The following VAV2 variants were observed in gnomAD, a reference collection of about 807,000 sequenced individuals.
VAV2 encodes guanine nucleotide exchange factor VAV2.
VAV2 carries 67 observed loss-of-function variants against 132.5 expected under a neutral mutation model. The ratio of observed to expected loss-of-function variants is 0.51; its 90% CI spans 0.42 to 0.62. The LOEUF is 0.62. Ranked by LOEUF, VAV2 falls within the 20% of genes least tolerant of loss-of-function variation. The pLI is 0.00. For missense variants in VAV2, 938 were observed against 1,153.6 expected (o/e 0.81, Z 2.71); for synonymous variants, 492 against 443.5 (o/e 1.11, Z -1.37).
chr9:133,795,772 C>T (rs538076258), intron 11 of VAV2, 36 bp from the exon 12 acceptor site: 13 of 1,607,192 alleles, frequency 8.1e-6, no homozygotes, highest in Admixed American at 5.0e-5. Context: ...TGTTACCACT[C>T]GGGGGTTCTG....
In VAV2 at chr9:133,823,012, C is replaced by A. The variant is rs1353728531; in HGVS notation, c.450-10796G>T. ...CAGAGTTGTGAGGGCTGAGATGAAG[C>A]GGCAAAGCCCAGGGCCTGGCTCTCA... On this transcript the variant is annotated intron_variant, in intron 4 of 29. Coordinates refer to ENST00000371850, the MANE Select transcript of VAV2 (RefSeq NM_001134398.2). The surrounding 1 kb of genome is among the most constrained non-coding windows in gnomAD (Gnocchi z 5.5). 6.6e-6 allele frequency among the ~76,000 whole-genome samples: 1 copy of A among 152,132 alleles called. No individual in the cohort carries two copies. Among genetic ancestry groups the A allele is most frequent in the East Asian group, 1.9e-4 (1 of 5,184 alleles).
At chr9:133,983,271 C>T (rs1279932482) in intron 1 of VAV2, among the ~76,000 whole-genome samples, 1 of 152,210 alleles carries the variant, frequency 6.6e-6, no homozygotes, top group African/African-American at 2.4e-5. Flanking sequence ...TGTGTCCCTA[C>T]AAGTCTCCTC....
chr9:133,939,004 G>T, intron 2 of VAV2, 99 bp downstream of exon 2: 1 of 1,102,230 alleles, frequency 9.1e-7, no homozygotes, highest in Non-Finnish European at 1.4e-6. Flanking sequence ...CTGTGTTGGA[G>T]CCAATCAGGC....
Position 133,821,104 on chromosome 9 carries a change from T to A in VAV2, c.450-8888A>T, listed in dbSNP as rs191203778. On this transcript the variant is annotated intron_variant, in intron 4 of 29. Transcript: ENST00000371850. ...CTGGAATCTCCGTGGCACAATTACA[T>A]CACTCTCCTGTGGCTCTGTGGCAGG... 1.8e-4 allele frequency among the ~76,000 whole-genome samples: 27 copies of A among 152,322 alleles called. No individual in the cohort carries two copies. In the East Asian group the frequency reaches 4.4e-3, roughly 25 times the overall value.
In VAV2 at chr9:133,878,954, G is replaced by A. The variant is rs1838378715; in HGVS notation, c.322-17522C>T. Reference sequence around the variant, plus strand: ...CAGGGTCGGGTCGCCCCATTCGAGAGATCAACAAATCCAGCCTTTGACTCC... The same window carrying A: ...CAGGGTCGGGTCGCCCCATTCGAGAAATCAACAAATCCAGCCTTTGACTCC... On this transcript the variant is annotated intron_variant, in intron 2 of 29. Transcript: ENST00000371850. Among the ~76,000 whole-genome samples, 4 of 152,178 alleles carry A rather than the reference G, an allele frequency of 2.6e-5. No homozygotes were observed. In the South Asian group the frequency reaches 8.3e-4, roughly 31 times the overall value.
chr9:133,903,359 C>T (rs745971377), intron 2 of VAV2, among the ~76,000 whole-genome samples: 3 of 152,172 alleles, frequency 2.0e-5, no homozygotes, highest in African/African-American at 2.4e-5. Context: ...GTGGTGCTCC[C>T]GGCTCAGGGT....
chr9:133,846,678 C>T (rs1357259223), intron 3 of VAV2, among the ~76,000 whole-genome samples: 2 of 152,344 alleles, frequency 1.3e-5, no homozygotes, highest in East Asian at 3.9e-4. Flanking sequence ...AGGGCATGGC[C>T]TCCTCAGTGA....
intron 1 of VAV2, among the ~76,000 whole-genome samples, chr9:133,970,560 T>C (rs1228516415): frequency 1.3e-5 from 2 of 152,170 alleles, no homozygotes; most frequent in African/African-American, 2.4e-5. Flanking sequence ...CCTGGTCCCT[T>C]TGACAGACAC....
At chr9:133,967,872 G>A (rs140771249) in intron 1 of VAV2, among the ~76,000 whole-genome samples, 153 of 139,432 alleles carry the variant, frequency 1.1e-3, no homozygotes, top group Middle Eastern at 5.1e-3. Flanking sequence ...GGTGGAGGTC[G>A]CAGTGAGCCA....
intron 2 of VAV2, among the ~76,000 whole-genome samples, chr9:133,895,243 CAGG>C (rs1195352189): frequency 6.6e-6 from 1 of 151,464 alleles, no homozygotes; most frequent in Non-Finnish European, 1.5e-5. Context: ...AAGGTGACCG[CAGG>C]AGAATTAAAG....
At chr9:133,882,224 G>T (rs573604802) in intron 2 of VAV2, among the ~76,000 whole-genome samples, 15 of 152,362 alleles carry the variant, frequency 9.8e-5, no homozygotes, top group Non-Finnish European at 1.9e-4. Context: ...CAAAGAACAT[G>T]CTGGGTCCAG....
At chr9:133,975,297 C>T (rs1348566824) in intron 1 of VAV2, among the ~76,000 whole-genome samples, 1 of 152,188 alleles carries the variant, frequency 6.6e-6, no homozygotes, top group Non-Finnish European at 1.5e-5. Context: ...TGGGCCAAGC[C>T]TGTCACCCAC....
chr9:133,955,401 CT>C (rs1841722021), intron 1 of VAV2, among the ~76,000 whole-genome samples: 1 of 141,520 alleles, frequency 7.1e-6, no homozygotes, highest in Admixed American at 7.0e-5. Flanking sequence ...CTCCTCCCCA[CT>C]CCCCACACTC....
At chr9:133,914,788 A>AGGAGGGGACGGGAGGGGAGG in intron 2 of VAV2, among the ~76,000 whole-genome samples, 1 of 9,976 alleles carries the variant, frequency 1.0e-4, no homozygotes, top group South Asian at 4.4e-3. Context: ...GGGAGGGGAG[A>AGGAGGGGACGGGAGGGGAGG]GGAGGAGGAG....
At chr9:133,890,406 C>T (rs1201373634) in intron 2 of VAV2, among the ~76,000 whole-genome samples, 1 of 152,196 alleles carries the variant, frequency 6.6e-6, no homozygotes, top group African/African-American at 2.4e-5. Context: ...CAGCCCCGGA[C>T]TACATTTCTT....
rs1486526060 is a variant in VAV2 at position 133,935,229 on chromosome 9, C to A, written c.321+3874G>T. 6.6e-6 allele frequency among the ~76,000 whole-genome samples: 1 copy of A among 152,186 alleles called. No individual in the cohort carries two copies. Among genetic ancestry groups the A allele is most frequent in the Non-Finnish European group, 1.5e-5 (1 of 68,036 alleles). On this transcript the variant is annotated intron_variant, in intron 2 of 29. Transcript: ENST00000371850. This position sits in a 1 kb window ranked among gnomAD's most constrained non-coding sequence, Gnocchi z 5.2. Reference sequence around the variant, plus strand: ...GCCAGGGCGTCCCAACTGGGCTGAGCTCATGAATGACAAAAGATGAATCTG... The same window carrying A: ...GCCAGGGCGTCCCAACTGGGCTGAGATCATGAATGACAAAAGATGAATCTG...
At chr9:133,847,546 A>G (rs916899286) in intron 3 of VAV2, among the ~76,000 whole-genome samples, 2 of 152,180 alleles carry the variant, frequency 1.3e-5, no homozygotes, top group African/African-American at 4.8e-5. Context: ...CCGAACGGGA[A>G]GAGCCCGGAC....
At chr9:133,855,555 G>A (rs1032859425) in intron 3 of VAV2, among the ~76,000 whole-genome samples, 33 of 152,300 alleles carry the variant, frequency 2.2e-4, no homozygotes, top group Middle Eastern at 6.8e-3. Context: ...TCCGTATCCC[G>A]GGAGGGCACC....
intron 4 of VAV2, among the ~76,000 whole-genome samples, chr9:133,829,287 T>C (rs1229782444): frequency 1.3e-5 from 2 of 152,264 alleles, no homozygotes; most frequent in Non-Finnish European, 2.9e-5. Context: ...AACCAGCTGC[T>C]CTTATTATTT....
Sources: allele counts gnomAD v4.1 joint callset (sites outside exome capture counted in the v4.1 genomes callset), GRCh38; gene constraint gnomAD v4.1.1; non-coding constraint Gnocchi (gnomAD v3.1); transcripts MANE v1.5; gene names NCBI Gene and HGNC (gene_info 2026-07-23, HGNC 2026-07-21).